Variants in ZNF462 observed in about 807,000 individuals in gnomAD.
The protein encoded by ZNF462 is zinc finger protein 462.
ZNF462 carries 10 observed loss-of-function variants against 201.9 expected under a neutral mutation model. That is an observed-to-expected ratio of 0.05 (90% CI 0.03 to 0.08). ZNF462 has a LOEUF of 0.08. Among genes scored for constraint, ZNF462 ranks in the 10% least tolerant of loss-of-function variants. The pLI, the probability that ZNF462 is intolerant of heterozygous loss-of-function variation, is 1.00. For synonymous variants in ZNF462, 1,227 were observed against 1,193.3 expected (o/e 1.03, Z -0.58); for missense variants, 2,523 against 3,168.3 (o/e 0.80, Z 4.89).
chr9:106,938,180 GT>G lies in ZNF462; in HGVS notation c.6236-735del, dbSNP rs1830710669. On this transcript the variant is annotated intron_variant, in intron 6 of 12. Coordinates refer to ENST00000277225, the MANE Select transcript of ZNF462 (RefSeq NM_021224.6). This position sits in a 1 kb window ranked among gnomAD's most constrained non-coding sequence, Gnocchi z 4.4. Reference sequence around the variant, plus strand: ...CAGTGGCATAAAATTAATTTTAAAAGTAGTGCTTATTTTTACTGAGAGGCAG... The same window carrying G: ...CAGTGGCATAAAATTAATTTTAAAAGAGTGCTTATTTTTACTGAGAGGCAG... Among the ~76,000 whole-genome samples, 1 of 152,166 alleles carries G rather than the reference GT, an allele frequency of 6.6e-6. No individual in the cohort carries two copies. The highest frequency in any genetic ancestry group is 1.5e-5 in the Non-Finnish European group (1 of 68,028).
intron 10 of ZNF462, among the ~76,000 whole-genome samples, chr9:106,992,798 T>A (rs4743043): frequency 0.029 from 4,421 of 152,136 alleles, 98 homozygotes; most frequent in Non-Finnish European, 0.037. Flanking sequence ...CATCATTGAG[T>A]TGTTTACTTA....
intron 9 of ZNF462, among the ~76,000 whole-genome samples, chr9:106,980,159 A>G (rs1035544316): frequency 7.2e-5 from 11 of 152,182 alleles, no homozygotes; most frequent in Non-Finnish European, 1.6e-4. Flanking sequence ...TGAGGATGGC[A>G]GCCTGGCTAA....
Position 106,925,022 on chromosome 9 carries a change from G to A in ZNF462, c.1110G>A (p.Met370Ile). 1 of 1,614,146 alleles carries A rather than the reference G, an allele frequency of 6.2e-7. No individual in the cohort carries two copies. Among genetic ancestry groups the A allele is most frequent in the Non-Finnish European group, 8.5e-7 (1 of 1,180,038 alleles). The change falls in exon 3 of 13, where the codon ATG becomes ATA. Residue 370 changes from methionine (M) to isoleucine (I), a missense_variant. By Grantham distance (10) the Met-to-Ile change is conservative. This residue lies in a region of ZNF462 where 480 missense variants were observed against 544.4 expected (regional missense o/e 0.88). Coordinates refer to ENST00000277225, the MANE Select transcript of ZNF462 (RefSeq NM_021224.6). The surrounding 1 kb of genome is among the most constrained non-coding windows in gnomAD (Gnocchi z 7.9). Reference protein sequence around the residue: ...TERSRYGMTDMTNSSADLETN... With the variant: ...TERSRYGMTDITNSSADLETN... The stretch of plus-strand genomic sequence containing the variant: ...GATCCCGTTATGGAATGACTGACAT[G>A]ACCAATTCTTCTGCTGACCTGGAAA...
chr9:106,929,776 A>G lies in ZNF462; in HGVS notation c.5847+17A>G. 1 of 1,590,032 alleles carries G rather than the reference A, an allele frequency of 6.3e-7. No individual in the cohort carries two copies. Among genetic ancestry groups the G allele is most frequent in the Non-Finnish European group, 8.6e-7 (1 of 1,167,124 alleles). ...CAAGAGAGGGTAAGGATATGTTTTG[A>G]TTTCCCTTCCCCCAGGAGGCCTCTC... On this transcript the variant is annotated intron_variant, in intron 3 of 12. Transcript: ENST00000277225. This position sits in a 1 kb window ranked among gnomAD's most constrained non-coding sequence, Gnocchi z 8.7.
Position 107,006,060 on chromosome 9 carries a change from A to AGTACCATGCTGTTTT in ZNF462, c.7189+2636_7189+2650dup, listed in dbSNP as rs1829520997. 6.6e-6 allele frequency among the ~76,000 whole-genome samples: 1 copy of AGTACCATGCTGTTTT among 152,192 alleles called. No individual in the cohort carries two copies. Among genetic ancestry groups the AGTACCATGCTGTTTT allele is most frequent in the African/African-American group, 2.4e-5 (1 of 41,452 alleles). On this transcript the variant is annotated intron_variant, in intron 11 of 12. Transcript: ENST00000277225. The surrounding 1 kb of genome is among the most constrained non-coding windows in gnomAD (Gnocchi z 4.3). ...GGTCTGTGTATCTGTTTTTTATGCC[A>AGTACCATGCTGTTTT]GTACCATGCTGTTTTGATTACTATA...
chr9:106,941,962 T>C (rs1467458064), intron 7 of ZNF462, among the ~76,000 whole-genome samples: 1 of 152,242 alleles, frequency 6.6e-6, no homozygotes. Flanking sequence ...GAAACACTCA[T>C]GTGAAATCCA....
intron 1 of ZNF462, among the ~76,000 whole-genome samples, chr9:106,897,286 T>C (rs1414937170): frequency 2.0e-5 from 3 of 152,202 alleles, no homozygotes; most frequent in South Asian, 2.1e-4. Context: ...GTTTTGCAAC[T>C]TATTTTTTCA....
chr9:106,918,232 A>G (rs1829857712), intron 1 of ZNF462, among the ~76,000 whole-genome samples: 1 of 152,150 alleles, frequency 6.6e-6, no homozygotes, highest in Non-Finnish European at 1.5e-5. Context: ...ATTTGTATTT[A>G]TTCAGAAAAG....
At chr9:106,898,528 C>G (rs959529657) in intron 1 of ZNF462, among the ~76,000 whole-genome samples, 4 of 152,198 alleles carry the variant, frequency 2.6e-5, no homozygotes, top group Middle Eastern at 3.4e-3. Context: ...GTGGGGATGT[C>G]AGGGATACTG....
Position 106,995,745 on chromosome 9 carries a change from T to G in ZNF462, c.7057-7549T>G, listed in dbSNP as rs1033993288. The stretch of plus-strand genomic sequence containing the variant: ...TTGGTAAGTATTGAAACAAAATCAT[T>G]TAGAAAGTGCCTACTTTTATTCTCT... On this transcript the variant is annotated intron_variant, in intron 10 of 12. Transcript: ENST00000277225. 5.9e-5 allele frequency: 9 copies of G among 152,168 alleles called. No individual in the cohort carries two copies. The East Asian group carries it at 7.7e-4, about 13-fold the overall frequency. The allele number at this position is 152,168 out of a possible 1,614,324, so 9.4% of individuals were successfully genotyped here. A position where few individuals can be genotyped will look rare whatever the true frequency, so the allele number is the denominator to read the frequency against.
chr9:106,944,910 T>G (rs930261202), intron 7 of ZNF462, among the ~76,000 whole-genome samples: 1 of 152,216 alleles, frequency 6.6e-6, no homozygotes, highest in African/African-American at 2.4e-5. Flanking sequence ...CACAACTACT[T>G]AATTCTGCCA....
In ZNF462 at chr9:107,009,443, T is replaced by G; in HGVS notation, c.7190-102T>G. The G allele has an allele frequency of 6.7e-7, 1 of 1,486,998 alleles. No individual in the cohort carries two copies. Among genetic ancestry groups the G allele is most frequent in the Non-Finnish European group, 9.1e-7 (1 of 1,093,468 alleles). 92.1% of individuals were successfully genotyped at this position (1,486,998 alleles called of 1,614,324 possible). On this transcript the variant is annotated intron_variant, in intron 11 of 12. Transcript: ENST00000277225. The surrounding 1 kb of genome is among the most constrained non-coding windows in gnomAD (Gnocchi z 6.1). ...TGGAAATTGCTTTCACCACATGGCT[T>G]TATCAGTGAAGGTAGGAGAGAGGGT...
intron 1 of ZNF462, among the ~76,000 whole-genome samples, chr9:106,867,343 C>A (rs1028719115): frequency 2.6e-5 from 4 of 152,124 alleles, no homozygotes; most frequent in Non-Finnish European, 5.9e-5. Flanking sequence ...GAGACAAGTT[C>A]ATGTGGCTTA....
intron 1 of ZNF462, among the ~76,000 whole-genome samples, chr9:106,900,902 C>T (rs796366029): frequency 5.9e-5 from 9 of 152,080 alleles, no homozygotes; most frequent in South Asian, 2.1e-4. Flanking sequence ...TAGGTCCCAG[C>T]GATTTATCTT....
In ZNF462 at chr9:106,923,557, G is replaced by A. The variant is rs1830068664; in HGVS notation, c.174G>A (p.Glu58=). The part of the protein sequence containing the change: ...SVNASNQTEV[E]FSSIKDEFAI... ...ATGCCAGTAATCAGACAGAGGTGGAGTTTTCTTCTATAAAGGATGAATTTG... is the reference window on the plus strand; with the variant it reads ...ATGCCAGTAATCAGACAGAGGTGGAATTTTCTTCTATAAAGGATGAATTTG... The change falls in exon 2 of 13, where the codon GAG becomes GAA. Residue 58 remains glutamate, a synonymous_variant. Transcript: ENST00000277225. The surrounding 1 kb of genome is among the most constrained non-coding windows in gnomAD (Gnocchi z 5.6). 6.2e-7 allele frequency: 1 copy of A among 1,614,220 alleles called. No individual in the cohort carries two copies. Among genetic ancestry groups the A allele is most frequent in the Non-Finnish European group, 8.5e-7 (1 of 1,180,048 alleles).
intron 1 of ZNF462, among the ~76,000 whole-genome samples, chr9:106,916,527 A>G (rs1829781007): frequency 6.6e-6 from 1 of 152,196 alleles, no homozygotes; most frequent in African/African-American, 2.4e-5. Flanking sequence ...ATAAAGCAAC[A>G]CCGTGATTTT....
chr9:106,996,265 A>T (rs1282081635), intron 10 of ZNF462, among the ~76,000 whole-genome samples: 1 of 151,522 alleles, frequency 6.6e-6, no homozygotes, highest in Non-Finnish European at 1.5e-5. Context: ...GAATAGTGCC[A>T]CAATAAACAT....
At chr9:106,937,603 T>C in intron 6 of ZNF462, among the ~76,000 whole-genome samples, 1 of 152,218 alleles carries the variant, frequency 6.6e-6, no homozygotes, top group Non-Finnish European at 1.5e-5. Context: ...TCATTCATAA[T>C]CTTGTTATCT....
intron 1 of ZNF462, among the ~76,000 whole-genome samples, chr9:106,873,790 C>T (rs1478504648): frequency 6.6e-6 from 1 of 152,168 alleles, no homozygotes; most frequent in African/African-American, 2.4e-5. Flanking sequence ...GGAGATGGAG[C>T]AGATCCAGAT....
Sources: gnomAD v4.1 joint callset for allele counts (sites outside exome capture counted in the v4.1 genomes callset) on GRCh38, gnomAD v4.1.1 for gene constraint, gnomAD v4.1.1 regional missense constraint, Gnocchi (gnomAD v3.1) non-coding constraint, MANE v1.5 for transcripts, NCBI Gene and HGNC (gene_info 2026-07-23, HGNC 2026-07-21) for gene names.